IGDCC4: variants seen among roughly 807,000 people sequenced by gnomAD.
IGDCC4 encodes the protein immunoglobulin superfamily DCC subclass member 4.
A neutral mutation model predicts 116.6 loss-of-function variants in IGDCC4; 72 were observed. The observed-to-expected ratio is 0.62, with a 90% CI of 0.51 to 0.75. The LOEUF is 0.75. Among genes scored for constraint, IGDCC4 ranks in the 30% least tolerant of loss-of-function variants. The pLI, the probability that IGDCC4 is intolerant of heterozygous loss-of-function variation, is 0.00. For synonymous variants in IGDCC4, 709 were observed against 719.9 expected (o/e 0.98, Z 0.24); for missense variants, 1,501 against 1,662.4 (o/e 0.90, Z 1.69).
At chr15:65,397,096 G>A in intron 5 of IGDCC4, 107 bp from the exon 6 acceptor site, 21 of 1,334,682 alleles carry the variant, frequency 1.6e-5, no homozygotes, top group Non-Finnish European at 2.2e-5. Flanking sequence ...AAACACAACC[G>A]TCCCTGGTCC....
intron 3 of IGDCC4, among the ~76,000 whole-genome samples, chr15:65,402,790 C>A (rs948863134): frequency 1.3e-5 from 2 of 152,166 alleles, no homozygotes; most frequent in Non-Finnish European, 2.9e-5. Context: ...TCGCTTGAAC[C>A]CGGGAGGCGG....
chr15:65,410,632 G>C, intron 2 of IGDCC4: 1 of 481,846 alleles, frequency 2.1e-6, no homozygotes, highest in South Asian at 2.4e-5. Context: ...GCCCCCTAAG[G>C]GGTAAGGCTG....
intron 1 of IGDCC4, among the ~76,000 whole-genome samples, chr15:65,422,243 C>T (rs1439814490): frequency 6.6e-6 from 1 of 152,074 alleles, no homozygotes; most frequent in African/African-American, 2.4e-5. Flanking sequence ...CAAACGGGAT[C>T]CATCGCTCTG....
chr15:65,416,388 C>T (rs1391027013), intron 1 of IGDCC4, among the ~76,000 whole-genome samples: 1 of 152,068 alleles, frequency 6.6e-6, no homozygotes, highest in Non-Finnish European at 1.5e-5. Context: ...CCGCCCGCCT[C>T]GGCCTTCCAA....
At position 65,400,890 on chromosome 15, in the gene IGDCC4, T is replaced by C; in HGVS notation, c.757A>G (p.Thr253Ala). The C allele has an allele frequency of 6.2e-7, 1 of 1,614,042 alleles. No homozygotes were observed. The highest frequency in any genetic ancestry group is 8.5e-7 in the Non-Finnish European group (1 of 1,180,000). ...DVVIVAAPENTTVVSGQSVVM... is the reference protein window; with the variant it reads ...DVVIVAAPENATVVSGQSVVM... Reference sequence around the variant, plus strand: ...ACACTCTGGCCAGACACCACTGTGGTGTTCTCTGGGGCTGCCACAATGACC... The same window carrying C: ...ACACTCTGGCCAGACACCACTGTGGCGTTCTCTGGGGCTGCCACAATGACC... Residue 253 changes from threonine (T) to alanine (A), a missense_variant, in exon 5 of 20, where the codon ACC (threonine) becomes GCC (alanine). Physicochemically the swap from Thr to Ala is moderately conservative, Grantham distance 58. This residue lies in a region of IGDCC4 where 898 missense variants were observed against 978.9 expected (regional missense o/e 0.92). Transcript: ENST00000352385.
At chr15:65,400,600 C>A (rs1003562268) in intron 5 of IGDCC4, among the ~76,000 whole-genome samples, 1 of 152,206 alleles carries the variant, frequency 6.6e-6, no homozygotes, top group Admixed American at 6.5e-5. Flanking sequence ...AAAGCACATG[C>A]TACACAGAGT....
At position 65,410,177 on chromosome 15, in the gene IGDCC4, C is replaced by T. The variant is rs962826974; in HGVS notation, c.563+1G>A. On this transcript the variant is annotated splice_donor_variant, in intron 3 of 19. Coordinates refer to ENST00000352385, the MANE Select transcript of IGDCC4 (RefSeq NM_020962.3). LOFTEE classifies it high-confidence loss of function. ...GACCCGCTCCCCTACAGGGCACTCA[C>T]CGAGGCTCCTCAGGCAATGTCACCT... 3 of 1,612,612 alleles carry T rather than the reference C, an allele frequency of 1.9e-6. No homozygotes were observed. The highest frequency in any genetic ancestry group is 2.5e-6 in the Non-Finnish European group (3 of 1,179,980).
At chr15:65,389,228 G>A in intron 14 of IGDCC4, 56 bp downstream of exon 14, 1 of 1,596,832 alleles carries the variant, frequency 6.3e-7, no homozygotes, top group Non-Finnish European at 8.5e-7. Flanking sequence ...TGCTGCTGGG[G>A]CAAGAAGGAG....
intron 1 of IGDCC4, among the ~76,000 whole-genome samples, chr15:65,413,451 C>T (rs2063116570): frequency 6.6e-6 from 1 of 152,148 alleles, no homozygotes; most frequent in Admixed American, 6.5e-5. Flanking sequence ...ACTGCCCTTG[C>T]CACAAAGGGA....
chr15:65,407,365 C>T (rs927348932), intron 3 of IGDCC4, among the ~76,000 whole-genome samples: 10 of 151,696 alleles, frequency 6.6e-5, no homozygotes, highest in Admixed American at 1.3e-4. Flanking sequence ...TATTCTGAGA[C>T]GGAGTCTTCC....
chr15:65,385,439 C>G (rs561605368), intron 18 of IGDCC4: 1 of 520,090 alleles, frequency 1.9e-6, no homozygotes, highest in Non-Finnish European at 3.4e-6. Flanking sequence ...TGAAAGGGAC[C>G]AGCCCAGCGA....
chr15:65,397,272 A>G (rs184628842), intron 5 of IGDCC4, among the ~76,000 whole-genome samples: 185 of 152,332 alleles, frequency 1.2e-3, no homozygotes, highest in African/African-American at 4.2e-3. Flanking sequence ...CACACTCGTC[A>G]GTTTTCATTA....
At chr15:65,395,709 C>T (rs757273253) in intron 7 of IGDCC4, 41 bp downstream of exon 7, 2 of 1,404,176 alleles carry the variant, frequency 1.4e-6, no homozygotes, top group Non-Finnish European at 1.9e-6. Flanking sequence ...CTGCGCCCCG[C>T]CCGGGCCTGC....
rs1196284623 is a variant in IGDCC4 at position 65,383,145 on chromosome 15, C to G, written c.*864G>C. The G allele has an allele frequency of 6.5e-6, 1 of 152,988 alleles. No individual in the cohort carries two copies. Among genetic ancestry groups the G allele is most frequent in the African/African-American group, 2.4e-5 (1 of 41,430 alleles). The allele number at this position is 152,988 out of a possible 1,614,324, so 9.5% of individuals were successfully genotyped here. ...GCGGATACAGGAAGGGCACGGGGGCCTTGAAGCAGACATGAGGTAGTCACG... is the reference window on the plus strand; with the variant it reads ...GCGGATACAGGAAGGGCACGGGGGCGTTGAAGCAGACATGAGGTAGTCACG... On this transcript the variant is annotated 3_prime_UTR_variant, in exon 20 of 20. Coordinates refer to ENST00000352385, the MANE Select transcript of IGDCC4 (RefSeq NM_020962.3).
chr15:65,397,382 T>C (rs1041921320), intron 5 of IGDCC4, among the ~76,000 whole-genome samples: 1 of 152,184 alleles, frequency 6.6e-6, no homozygotes, highest in African/African-American at 2.4e-5. Context: ...AAGCCAACGA[T>C]TCGAATGCGC....
chr15:65,410,514 A>C, intron 2 of IGDCC4, 195 bp from the exon 3 acceptor site: 3 of 623,984 alleles, frequency 4.8e-6, no homozygotes, highest in South Asian at 3.9e-5. Flanking sequence ...AGCAGAATGA[A>C]TTCCAAAGCC....
At position 65,397,003 on chromosome 15, in the gene IGDCC4, G is replaced by A; in HGVS notation, c.842-14C>T. The A allele has an allele frequency of 6.4e-7, 1 of 1,574,056 alleles. No homozygotes were observed. The highest frequency in any genetic ancestry group is 8.6e-7 in the Non-Finnish European group (1 of 1,159,084). ...TGGGCTTCCCGTCTGGGGAAGGAGA[G>A]GGAGACGCGCTGGAGGGGACGCTAG... On this transcript the variant is annotated splice_polypyrimidine_tract_variant and intron_variant, in intron 5 of 19. Transcript: ENST00000352385.
intron 5 of IGDCC4, 74 bp downstream of exon 5, chr15:65,400,732 C>T: frequency 6.6e-7 from 1 of 1,518,556 alleles, no homozygotes; most frequent in Non-Finnish European, 8.9e-7. Context: ...CCATACATCC[C>T]CCTGACTTAG....
chr15:65,394,023 CAG>C (rs1461826433), intron 9 of IGDCC4, among the ~76,000 whole-genome samples: 1 of 152,120 alleles, frequency 6.6e-6, no homozygotes, highest in Non-Finnish European at 1.5e-5. Context: ...TTTTCTGAGA[CAG>C]AGTTTTGCTC....
Sources: gnomAD v4.1 joint callset for allele counts (sites outside exome capture counted in the v4.1 genomes callset) on GRCh38, gnomAD v4.1.1 for gene constraint, gnomAD v4.1.1 regional missense constraint, MANE v1.5 for transcripts, NCBI Gene and HGNC (gene_info 2026-07-23, HGNC 2026-07-21) for gene names.